The following DPYS variants were observed in gnomAD, a reference collection of about 807,000 sequenced individuals.
The protein encoded by DPYS is dihydropyrimidinase.
A neutral mutation model predicts 50.3 loss-of-function variants in DPYS; 39 were observed. That is an observed-to-expected ratio of 0.78 (90% CI 0.60 to 1.01). DPYS has a LOEUF of 1.01. Among genes scored for constraint, DPYS ranks in the 50% least tolerant of loss-of-function variants. DPYS has a pLI of 0.00. For missense variants in DPYS, 659 were observed against 680.9 expected, an observed-to-expected ratio of 0.97 and a Z score of 0.36; for synonymous variants, 245 against 250.7, an observed-to-expected ratio of 0.98 and a Z score of 0.22.
At chr8:104,463,466 T>C (rs766295246) in intron 1 of DPYS, among the ~76,000 whole-genome samples, 2 of 152,178 alleles carry the variant, frequency 1.3e-5, no homozygotes, top group Non-Finnish European at 2.9e-5. Context: ...CTGAACATTA[T>C]ATGTTTTTTC....
At chr8:104,429,211 A>G (rs1330883442) in intron 5 of DPYS, 1 of 304,642 alleles carries the variant, frequency 3.3e-6, no homozygotes, top group Non-Finnish European at 6.3e-6. Context: ...ATATTATATC[A>G]GCATAGAAAA....
At chr8:104,425,378 A>G (rs998529734) in intron 6 of DPYS, among the ~76,000 whole-genome samples, 8 of 151,990 alleles carry the variant, frequency 5.3e-5, no homozygotes, top group Non-Finnish European at 1.2e-4. Context: ...TGCGAAAGCA[A>G]TCTGTTTTGC....
At chr8:104,380,465 G>A (rs1381493305) in intron 9 of DPYS, 1 of 152,718 alleles carries the variant, frequency 6.5e-6, no homozygotes, top group African/African-American at 2.4e-5. Context: ...CATGAAGTCA[G>A]TGGAAGTGAT....
chr8:104,428,517 GCATCCACAAAGA>G (rs1482026206), intron 5 of DPYS, among the ~76,000 whole-genome samples: 2 of 152,260 alleles, frequency 1.3e-5, no homozygotes, highest in East Asian at 3.8e-4. Flanking sequence ...GCAGAATGCT[GCATCCACAAAGA>G]CATCACCATG....
chr8:104,389,376 A>T (rs2140513005), intron 8 of DPYS, among the ~76,000 whole-genome samples: 1 of 152,302 alleles, frequency 6.6e-6, no homozygotes, highest in Middle Eastern at 3.4e-3. Context: ...TGATATTTTT[A>T]TCCTGTAAGT....
intron 7 of DPYS, among the ~76,000 whole-genome samples, chr8:104,401,671 C>T (rs1318224495): frequency 6.6e-6 from 1 of 152,172 alleles, no homozygotes; most frequent in Non-Finnish European, 1.5e-5. Flanking sequence ...CCAAAATTGA[C>T]CAGTCATTCT....
chr8:104,386,233 GT>G (rs1811208838), intron 8 of DPYS, among the ~76,000 whole-genome samples: 1 of 152,138 alleles, frequency 6.6e-6, no homozygotes, highest in Non-Finnish European at 1.5e-5. Flanking sequence ...TAAGTTGATA[GT>G]AAATTTAATC....
chr8:104,383,777 T>G (rs1186425785), intron 8 of DPYS, among the ~76,000 whole-genome samples: 1 of 152,152 alleles, frequency 6.6e-6, no homozygotes, highest in African/African-American at 2.4e-5. Context: ...AATTTTTGTA[T>G]TTTTAGTAGA....
chr8:104,405,247 T>C (rs1206347641), intron 7 of DPYS, among the ~76,000 whole-genome samples: 1 of 152,186 alleles, frequency 6.6e-6, no homozygotes, highest in East Asian at 1.9e-4. Context: ...TATTTCCATT[T>C]AACAGATGAG....
At chr8:104,421,881 A>T (rs1387342544) in intron 7 of DPYS, among the ~76,000 whole-genome samples, 3 of 152,232 alleles carry the variant, frequency 2.0e-5, no homozygotes, top group Non-Finnish European at 4.4e-5. Context: ...AGAAATCAGT[A>T]GCAAAACTTG....
intron 1 of DPYS, among the ~76,000 whole-genome samples, chr8:104,463,618 A>C (rs752665615): frequency 9.2e-5 from 14 of 152,248 alleles, no homozygotes; most frequent in Non-Finnish European, 1.9e-4. Context: ...ATTGTAAAAA[A>C]GTAGACAATG....
intron 7 of DPYS, among the ~76,000 whole-genome samples, chr8:104,397,967 G>C (rs1811647761): frequency 2.0e-5 from 3 of 152,224 alleles, no homozygotes; most frequent in African/African-American, 4.8e-5. Context: ...CTACCAAACA[G>C]TGTTTAAAAT....
At chr8:104,398,806 C>T (rs1304607561) in intron 7 of DPYS, among the ~76,000 whole-genome samples, 1 of 152,164 alleles carries the variant, frequency 6.6e-6, no homozygotes, top group Non-Finnish European at 1.5e-5. Context: ...CACCCTATGC[C>T]TTTATTTCAC....
intron 7 of DPYS, among the ~76,000 whole-genome samples, chr8:104,401,000 C>G (rs926302239): frequency 2.6e-5 from 4 of 152,196 alleles, no homozygotes; most frequent in East Asian, 1.9e-4. Flanking sequence ...TCAGAAGGAG[C>G]ATTGTGGAGA....
At chr8:104,414,647 C>A (rs1471272672) in intron 7 of DPYS, among the ~76,000 whole-genome samples, 1 of 152,138 alleles carries the variant, frequency 6.6e-6, no homozygotes, top group African/African-American at 2.4e-5. Context: ...TAGGTGATTT[C>A]TTCTAAGGCC....
intron 4 of DPYS, among the ~76,000 whole-genome samples, chr8:104,432,523 C>G (rs1812990492): frequency 6.6e-6 from 1 of 152,196 alleles, no homozygotes; most frequent in African/African-American, 2.4e-5. Context: ...CAAACATATT[C>G]ATAGAAATAA....
intron 9 of DPYS, chr8:104,380,773 AT>A (rs1811005288): frequency 5.9e-6 from 1 of 168,712 alleles, no homozygotes; most frequent in Admixed American, 5.6e-5. Flanking sequence ...TTTTTCATTT[AT>A]TCTAAATTTT....
intron 7 of DPYS, among the ~76,000 whole-genome samples, chr8:104,399,800 C>T (rs931797867): frequency 8.0e-6 from 1 of 124,516 alleles, no homozygotes; most frequent in East Asian, 2.6e-4. Context: ...ACCTGGGAGG[C>T]GGAGCTTGCA....
intron 4 of DPYS, among the ~76,000 whole-genome samples, 164 bp downstream of exon 4, chr8:104,444,084 G>C (rs536104233): frequency 6.6e-6 from 1 of 152,196 alleles, no homozygotes; most frequent in African/African-American, 2.4e-5. Flanking sequence ...GTGGAAAACA[G>C]ACACACATAA....
Sources: gnomAD v4.1 joint callset for allele counts (sites outside exome capture counted in the v4.1 genomes callset) on GRCh38, gnomAD v4.1.1 for gene constraint, MANE v1.5 for transcripts, NCBI Gene and HGNC (gene_info 2026-07-23, HGNC 2026-07-21) for gene names.